Variants in LYNX1 observed in about 807,000 individuals in gnomAD.
The protein encoded by LYNX1 is Ly6/neurotoxin 1, also known as ly-6/neurotoxin-like protein 1.
LYNX1 carries 8 observed loss-of-function variants against 8.3 expected under a neutral mutation model. That is an observed-to-expected ratio of 0.97 (90% CI 0.57 to 1.74). The LOEUF is 1.74. LYNX1 is among the 40% of genes most tolerant of loss of function. The probability of loss-of-function intolerance (pLI) is 0.00; values close to 1 mark genes in which losing one functional copy is unlikely to be tolerated. For missense variants in LYNX1, 158 were observed against 159.7 expected (o/e 0.99, Z 0.06); for synonymous variants, 73 against 67.9 (o/e 1.08, Z -0.37).
chr8:142,771,958 G>A lies in LYNX1; in HGVS notation c.*3209C>T, dbSNP rs1815201430. On this transcript the variant is annotated 3_prime_UTR_variant, in exon 4 of 4. Transcript: ENST00000652477. ...AGGTCCCACCCCAGGGTCACTTCCTGTAGCTCCGACTTCTCTAGTGGCTGA... is the reference window on the plus strand; with the variant it reads ...AGGTCCCACCCCAGGGTCACTTCCTATAGCTCCGACTTCTCTAGTGGCTGA... The A allele has an allele frequency of 2.0e-6, 2 of 986,130 alleles. No individual in the cohort carries two copies. The highest frequency in any genetic ancestry group is 9.4e-5 in the South Asian group (2 of 21,300). The allele number at this position is 986,130 out of a possible 1,614,324, so 61.1% of individuals were successfully genotyped here.
chr8:142,773,317 C>T lies in LYNX1; in HGVS notation c.*1850G>A, dbSNP rs1379226916. The T allele has an allele frequency of 1.0e-6, 1 of 985,436 alleles. No homozygotes were observed. Among genetic ancestry groups the T allele is most frequent in the Admixed American group, 6.1e-5 (1 of 16,272 alleles). 61.0% of individuals were successfully genotyped at this position (985,436 alleles called of 1,614,324 possible). ...GCCTCCCAGACACCCCGGGCCGGTC[C>T]TGCTCTCCAGGCTTAGGGCTACAGC... On this transcript the variant is annotated 3_prime_UTR_variant, in exon 4 of 4. Coordinates refer to ENST00000652477, the MANE Select transcript of LYNX1 (RefSeq NM_177477.4).
chr8:142,775,589 TCA>T lies in LYNX1; in HGVS notation c.154+2_154+3del. The T allele has an allele frequency of 6.3e-7, 1 of 1,585,474 alleles. No individual in the cohort carries two copies. The highest frequency in any genetic ancestry group is 8.6e-7 in the Non-Finnish European group (1 of 1,165,988). On this transcript the variant is annotated splice_donor_variant and splice_donor_region_variant and intron_variant, in intron 3 of 3. Coordinates refer to ENST00000652477, the MANE Select transcript of LYNX1 (RefSeq NM_177477.4). LOFTEE classifies it high-confidence loss of function. ...GCAGGGCCACGCAGGGCCCCCAGAC[TCA>T]CAGGTGCGCGTGGTCATGCAGTAGG...
chr8:142,771,816 A>AG lies in LYNX1; in HGVS notation c.*3350dup. The AG allele has an allele frequency of 1.0e-6, 1 of 985,814 alleles. No homozygotes were observed. The highest frequency in any genetic ancestry group is 1.2e-6 in the Non-Finnish European group (1 of 829,970). 61.1% of individuals were successfully genotyped at this position (985,814 alleles called of 1,614,324 possible). ...GCTGGCCTGGCTCCCCCACTTCCCC[A>AG]GGACCTCCGCCTGGAGGAAGCCTGC... On this transcript the variant is annotated 3_prime_UTR_variant, in exon 4 of 4. Coordinates refer to ENST00000652477, the MANE Select transcript of LYNX1 (RefSeq NM_177477.4).
chr8:142,771,722 CAG>C lies in LYNX1; in HGVS notation c.*3443_*3444del, dbSNP rs1413508503. 1.0e-5 allele frequency: 10 copies of C among 985,744 alleles called. No individual in the cohort carries two copies. The highest frequency in any genetic ancestry group is 1.2e-5 in the Non-Finnish European group (10 of 829,976). 61.1% of individuals were successfully genotyped at this position (985,744 alleles called of 1,614,324 possible). A position where few individuals can be genotyped will look rare whatever the true frequency, so the allele number is the denominator to read the frequency against. ...CTTCTTTTGACCTTTTTCAGAGTTTCAGAGTTATGAACCAAATCGCCTTCATG... is the reference window on the plus strand; with the variant it reads ...CTTCTTTTGACCTTTTTCAGAGTTTCAGTTATGAACCAAATCGCCTTCATG... On this transcript the variant is annotated 3_prime_UTR_variant, in exon 4 of 4. Coordinates refer to ENST00000652477, the MANE Select transcript of LYNX1 (RefSeq NM_177477.4).
In LYNX1 at chr8:142,772,763, T is replaced by TG; in HGVS notation, c.*2403_*2404insC. 2.0e-6 allele frequency: 2 copies of TG among 985,530 alleles called. No homozygotes were observed. The highest frequency in any genetic ancestry group is 2.4e-6 in the Non-Finnish European group (2 of 829,970). 61.0% of individuals were successfully genotyped at this position (985,530 alleles called of 1,614,324 possible). ...TCCCTGGTGCTGCACAGCCACGCAC[T>TG]CCCCATGAGTGGGCCTGCCCAGCAT... is the stretch of plus-strand genomic sequence containing the variant. On this transcript the variant is annotated 3_prime_UTR_variant, in exon 4 of 4. Transcript: ENST00000652477.
Position 142,773,956 on chromosome 8 carries a change from G to C in LYNX1, c.*1211C>G. The C allele has an allele frequency of 1.0e-6, 1 of 985,382 alleles. No individual in the cohort carries two copies. Among genetic ancestry groups the C allele is most frequent in the Non-Finnish European group, 1.2e-6 (1 of 829,902 alleles). The allele number at this position is 985,382 out of a possible 1,614,324, so 61.0% of individuals were successfully genotyped here. On this transcript the variant is annotated 3_prime_UTR_variant, in exon 4 of 4. Coordinates refer to ENST00000652477, the MANE Select transcript of LYNX1 (RefSeq NM_177477.4). ...GGGGCAGGTGCTCCCTGGGCTACCTGCATCGGGGATGGATTGGTGCGTGTT... is the reference window on the plus strand; with the variant it reads ...GGGGCAGGTGCTCCCTGGGCTACCTCCATCGGGGATGGATTGGTGCGTGTT...
chr8:142,776,016 C>G lies in LYNX1; in HGVS notation c.-59G>C. ...AGGTCAACAGCAGCTAGCCCTGGAT[C>G]CAACTCAGGGGTGGCGCACAGAGGA... On this transcript the variant is annotated 5_prime_UTR_variant, in exon 2 of 4. Transcript: ENST00000652477. The G allele has an allele frequency of 6.3e-7, 1 of 1,592,726 alleles. No homozygotes were observed. The highest frequency in any genetic ancestry group is 1.1e-5 in the South Asian group (1 of 90,026).
chr8:142,775,547 C>T lies in LYNX1; in HGVS notation c.154+46G>A, dbSNP rs1360465930. The stretch of plus-strand genomic sequence containing the variant: ...ATGCTCAGGGGCAGGGCAGAACCTC[C>T]CCTTCGTGCTCCCCAGGCAGGGCCA... On this transcript the variant is annotated intron_variant, in intron 3 of 3. Coordinates refer to ENST00000652477, the MANE Select transcript of LYNX1 (RefSeq NM_177477.4). The T allele has an allele frequency of 1.9e-6, 3 of 1,558,706 alleles. No homozygotes were observed. In the East Asian group the frequency reaches 7.2e-5, roughly 37 times the overall value.
Position 142,775,595 on chromosome 8 carries a change from G to A in LYNX1, c.152C>T (p.Thr51Ile), listed in dbSNP as rs1353782597. ...CCACGCAGGGCCCCCAGACTCACAG[G>A]TGCGCGTGGTCATGCAGTAGGCAAC... ...AMVAYCMTTR[T>I]YYTPTRMKVS... The change falls in exon 3 of 4, where the codon ACC becomes ATC. Residue 51 changes from threonine (T) to isoleucine (I), a missense_variant and splice_region_variant. Physicochemically the swap from Thr to Ile is moderately conservative, Grantham distance 89. Transcript: ENST00000652477. 6.3e-7 allele frequency: 1 copy of A among 1,588,486 alleles called. No individual in the cohort carries two copies. Among genetic ancestry groups the A allele is most frequent in the Non-Finnish European group, 8.6e-7 (1 of 1,167,590 alleles).
Position 142,772,038 on chromosome 8 carries a change from C to A in LYNX1, c.*3129G>T. 1.0e-6 allele frequency: 1 copy of A among 986,142 alleles called. No individual in the cohort carries two copies. Among genetic ancestry groups the A allele is most frequent in the Non-Finnish European group, 1.2e-6 (1 of 830,092 alleles). The allele number at this position is 986,142 out of a possible 1,614,324, so 61.1% of individuals were successfully genotyped here. On this transcript the variant is annotated 3_prime_UTR_variant, in exon 4 of 4. Coordinates refer to ENST00000652477, the MANE Select transcript of LYNX1 (RefSeq NM_177477.4). ...GGGTGCCAGAGCCCACCCAAGCAGC[C>A]ACTCCTGTCCAGTTCCCAGAATGTA...
intron 1 of LYNX1, 100 bp from the exon 2 acceptor site, chr8:142,776,221 A>T: frequency 1.9e-6 from 1 of 528,024 alleles, no homozygotes; most frequent in Non-Finnish European, 3.4e-6. Context: ...CACCTAACTC[A>T]GTGGGTGTCA....
In LYNX1 at chr8:142,774,796, AG is replaced by A; in HGVS notation, c.*370del. The A allele has an allele frequency of 9.1e-7, 1 of 1,097,846 alleles. No homozygotes were observed. Among genetic ancestry groups the A allele is most frequent in the East Asian group, 5.9e-5 (1 of 16,846 alleles). The allele number at this position is 1,097,846 out of a possible 1,614,324, so 68.0% of individuals were successfully genotyped here. ...TGTCTTCCCCCTGCCCCAGCACACCAGGGGCAGACTGAGGCAGGGGCCTCTC... is the reference window on the plus strand; with the variant it reads ...TGTCTTCCCCCTGCCCCAGCACACCAGGGCAGACTGAGGCAGGGGCCTCTC... On this transcript the variant is annotated 3_prime_UTR_variant, in exon 4 of 4. Transcript: ENST00000652477.
intron 3 of LYNX1, 31 bp from the exon 4 acceptor site, chr8:142,775,394 CG>C (rs1202609483): frequency 7.5e-6 from 12 of 1,607,366 alleles, no homozygotes; most frequent in Non-Finnish European, 8.5e-6. Flanking sequence ...GAGCCAGCTC[CG>C]CTAAGAGGGG....
chr8:142,774,950 C>T lies in LYNX1; in HGVS notation c.*217G>A, dbSNP rs1387929112. The T allele has an allele frequency of 7.0e-7, 1 of 1,425,916 alleles. No homozygotes were observed. Among genetic ancestry groups the T allele is most frequent in the Non-Finnish European group, 9.1e-7 (1 of 1,094,128 alleles). 88.3% of individuals were successfully genotyped at this position (1,425,916 alleles called of 1,614,324 possible). A position where few individuals can be genotyped will look rare whatever the true frequency, so the allele number is the denominator to read the frequency against. Reference sequence around the variant, plus strand: ...CTGATCAGCCCATCAAAGCCGGACACTTTTGGGATCCCACACAGCATCGAA... The same window carrying T: ...CTGATCAGCCCATCAAAGCCGGACATTTTTGGGATCCCACACAGCATCGAA... On this transcript the variant is annotated 3_prime_UTR_variant, in exon 4 of 4. Transcript: ENST00000652477.
At position 142,775,310 on chromosome 8, in the gene LYNX1, C is replaced by G. The variant is rs370672551; in HGVS notation, c.208G>C (p.Glu70Gln). ...TTGGAGTAGCCATCATACACAGTCT[C>G]GAAGCAGCGGGGCACGCAGGACTTA... ...VSKSCVPRCFETVYDGYSKHA... is the reference protein window; with the variant it reads ...VSKSCVPRCFQTVYDGYSKHA... The change falls in exon 4 of 4, where the codon GAG (glutamate) becomes CAG (glutamine). Residue 70 changes from glutamate to glutamine, a missense_variant. By Grantham distance (29) the Glu-to-Gln change is conservative. Transcript: ENST00000652477. 3 of 1,613,770 alleles carry G rather than the reference C, an allele frequency of 1.9e-6. No individual in the cohort carries two copies. The highest frequency in any genetic ancestry group is 2.7e-5 in the African/African-American group (2 of 74,884).
rs1199416234 is a variant in LYNX1 at position 142,773,082 on chromosome 8, G to C, written c.*2085C>G. ...TGGAGTCCCTCCCAGCCCTGGCTGA[G>C]GAAGCCACCCAACCCGACAATGGGC... On this transcript the variant is annotated 3_prime_UTR_variant, in exon 4 of 4. Transcript: ENST00000652477. 1.0e-6 allele frequency: 1 copy of C among 985,386 alleles called. No homozygotes were observed. Among genetic ancestry groups the C allele is most frequent in the African/African-American group, 1.7e-5 (1 of 57,242 alleles). 61.0% of individuals were successfully genotyped at this position (985,386 alleles called of 1,614,324 possible). A position where few individuals can be genotyped will look rare whatever the true frequency, so the allele number is the denominator to read the frequency against.
Position 142,772,355 on chromosome 8 carries a change from G to A in LYNX1, c.*2812C>T, listed in dbSNP as rs959894133. The A allele has an allele frequency of 4.1e-6, 4 of 985,448 alleles. No homozygotes were observed. The highest frequency in any genetic ancestry group is 1.7e-5 in the African/African-American group (1 of 57,242). The allele number at this position is 985,448 out of a possible 1,614,324, so 61.0% of individuals were successfully genotyped here. ...ACTCTGCCCTGCACCCAGAGGCAGC[G>A]CTGGAGGCCTTACTCTACCACTCAG... On this transcript the variant is annotated 3_prime_UTR_variant, in exon 4 of 4. Transcript: ENST00000652477.
In LYNX1 at chr8:142,774,145, G is replaced by GGCCAGGCC; in HGVS notation, c.*1021_*1022insGGCCTGGC. ...GCTGCGGGGGAGGGGCTGGGTCTCC[G>GGCCAGGCC]CCCTCCCCACCCCACCCTCCCCACT... On this transcript the variant is annotated 3_prime_UTR_variant, in exon 4 of 4. Coordinates refer to ENST00000652477, the MANE Select transcript of LYNX1 (RefSeq NM_177477.4). 1 of 981,846 alleles carries GGCCAGGCC rather than the reference G, an allele frequency of 1.0e-6. No individual in the cohort carries two copies. The highest frequency in any genetic ancestry group is 1.2e-6 in the Non-Finnish European group (1 of 827,982). 60.8% of individuals were successfully genotyped at this position (981,846 alleles called of 1,614,324 possible).
chr8:142,771,324 A>G lies in LYNX1; in HGVS notation c.*3843T>C. 23 of 985,580 alleles carry G rather than the reference A, an allele frequency of 2.3e-5. No homozygotes were observed. The highest frequency in any genetic ancestry group is 2.8e-5 in the Non-Finnish European group (23 of 830,020). 61.1% of individuals were successfully genotyped at this position (985,580 alleles called of 1,614,324 possible). A position where few individuals can be genotyped will look rare whatever the true frequency, so the allele number is the denominator to read the frequency against. On this transcript the variant is annotated 3_prime_UTR_variant, in exon 4 of 4. Coordinates refer to ENST00000652477, the MANE Select transcript of LYNX1 (RefSeq NM_177477.4). ...GGGAAGCACCTGGACCCCAGAACAT[A>G]AGACAGGAGGGAGAGATGCCATCCA...
Sources: allele counts gnomAD v4.1 joint callset, GRCh38; gene constraint gnomAD v4.1.1; transcripts MANE v1.5; gene names NCBI Gene and HGNC (gene_info 2026-07-23, HGNC 2026-07-21).